DISP3: variants seen among roughly 807,000 people sequenced by gnomAD.
DISP3 encodes the protein dispatched RND transporter family member 3.
A neutral mutation model predicts 135.3 loss-of-function variants in DISP3; 101 were observed. That is an observed-to-expected ratio of 0.75 (90% CI 0.64 to 0.88). The LOEUF (loss-of-function observed/expected upper bound fraction) is 0.88. DISP3 is among the 40% of genes least tolerant of loss of function. The pLI is 0.00. For synonymous variants in DISP3, 856 were observed against 817.0 expected, an observed-to-expected ratio of 1.05 and a Z score of -0.81; for missense variants, 1,713 against 1,878.6, an observed-to-expected ratio of 0.91 and a Z score of 1.63.
intron 3 of DISP3, among the ~76,000 whole-genome samples, chr1:11,511,522 T>G (rs1180393895): frequency 1.3e-5 from 2 of 152,182 alleles, no homozygotes; most frequent in African/African-American, 4.8e-5. Context: ...CACATCCAGG[T>G]CACACGGATG....
Position 11,529,989 on chromosome 1 carries a change from G to A in DISP3, c.3102+30G>A, listed in dbSNP as rs773946908. ...GGGGCATGCGTCGGGCAGATGCCGA[G>A]GGCCCCAGCTGCAACAGTCTTGCAA... On this transcript the variant is annotated intron_variant, in intron 15 of 20. Transcript: ENST00000294484. This position sits in a 1 kb window ranked among gnomAD's most constrained non-coding sequence, Gnocchi z 4.7. 2 of 1,602,440 alleles carry A rather than the reference G, an allele frequency of 1.2e-6. No individual in the cohort carries two copies. Among genetic ancestry groups the A allele is most frequent in the Non-Finnish European group, 1.7e-6 (2 of 1,177,454 alleles).
At chr1:11,523,508 CAG>C (rs1290057951) in intron 10 of DISP3, among the ~76,000 whole-genome samples, 2 of 121,814 alleles carry the variant, frequency 1.6e-5, no homozygotes, top group Admixed American at 9.7e-5. Flanking sequence ...AGACAGCAAG[CAG>C]GGGGCAGAGT....
chr1:11,522,572 G>GGACCCAGCCAA (rs1448944119), intron 10 of DISP3, among the ~76,000 whole-genome samples: 10 of 149,088 alleles, frequency 6.7e-5, no homozygotes, highest in Non-Finnish European at 3.0e-5. Context: ...AGCCCAGCCA[G>GGACCCAGCCAA]GACCCAGCCA....
Position 11,519,715 on chromosome 1 carries a change from GCA to G in DISP3, c.2039-3_2039-2del. ...TCTGACGGGCCACTGCTCTGCCCTG[GCA>G]GTGTCACTGGAGCTGGGAGACGTGT... On this transcript the variant is annotated splice_acceptor_variant and splice_polypyrimidine_tract_variant and intron_variant, in intron 8 of 20. Coordinates refer to ENST00000294484, the MANE Select transcript of DISP3 (RefSeq NM_020780.2). LOFTEE classifies it high-confidence loss of function. The surrounding 1 kb of genome is among the most constrained non-coding windows in gnomAD (Gnocchi z 4.3). The G allele has an allele frequency of 6.2e-7, 1 of 1,612,216 alleles. No individual in the cohort carries two copies. The highest frequency in any genetic ancestry group is 8.5e-7 in the Non-Finnish European group (1 of 1,179,748).
In DISP3 at chr1:11,519,345, C is replaced by G. The variant is rs201745217; in HGVS notation, c.1890-10C>G. On this transcript the variant is annotated splice_polypyrimidine_tract_variant and intron_variant, in intron 7 of 20. Coordinates refer to ENST00000294484, the MANE Select transcript of DISP3 (RefSeq NM_020780.2). The surrounding 1 kb of genome is among the most constrained non-coding windows in gnomAD (Gnocchi z 4.3). The stretch of plus-strand genomic sequence containing the variant: ...CTCTGGTTCACCCCTGTCCCCTACT[C>G]TCTCCACAGCTGCCACCAGAATTGC... The G allele has an allele frequency of 3.1e-4, 504 of 1,613,342 alleles. 3 individuals are homozygous for G. Among genetic ancestry groups the G allele is most frequent in the South Asian group, 2.7e-3 (250 of 91,044 alleles).
chr1:11,531,677 C>T lies in DISP3; in HGVS notation c.3342C>T (p.Gly1114=). ...LSHGAVGVRE[G]RVQWISMAFE... is the part of the protein sequence containing the mutation. Reference sequence around the variant, plus strand: ...ACGGGGCAGTGGGCGTCAGGGAGGGCCGCGTGCAGTGGATCTCCATGGCTT... The same window carrying T: ...ACGGGGCAGTGGGCGTCAGGGAGGGTCGCGTGCAGTGGATCTCCATGGCTT... Residue 1114 remains glycine, a synonymous_variant, in exon 17 of 21, where the codon GGC becomes GGT. Coordinates refer to ENST00000294484, the MANE Select transcript of DISP3 (RefSeq NM_020780.2). This position sits in a 1 kb window ranked among gnomAD's most constrained non-coding sequence, Gnocchi z 5.2. 6.2e-7 allele frequency: 1 copy of T among 1,610,914 alleles called. No individual in the cohort carries two copies. The highest frequency in any genetic ancestry group is 8.5e-7 in the Non-Finnish European group (1 of 1,178,640).
Position 11,536,605 on chromosome 1 carries a change from A to C in DISP3, c.4098A>C (p.Ala1366=), listed in dbSNP as rs374786344. The C allele has an allele frequency of 2.9e-5, 47 of 1,610,848 alleles. No individual in the cohort carries two copies. The African/African-American group carries it at 5.3e-4, about 18-fold the overall frequency. ...FLKALGAVLL[A]GALGLGACLV... Reference sequence around the variant, plus strand: ...AGGCCCTGGGTGCCGTGCTGCTGGCAGGGGCCCTGGGGCTGGGTGCCTGCC... The same window carrying C: ...AGGCCCTGGGTGCCGTGCTGCTGGCCGGGGCCCTGGGGCTGGGTGCCTGCC... The change falls in exon 21 of 21, where the codon GCA becomes GCC. Residue 1366 remains alanine, a synonymous_variant. Transcript: ENST00000294484. The surrounding 1 kb of genome is among the most constrained non-coding windows in gnomAD (Gnocchi z 4.3).
At position 11,536,774 on chromosome 1, in the gene DISP3, C is replaced by A; in HGVS notation, c.*88C>A. On this transcript the variant is annotated 3_prime_UTR_variant, in exon 21 of 21. Coordinates refer to ENST00000294484, the MANE Select transcript of DISP3 (RefSeq NM_020780.2). This position sits in a 1 kb window ranked among gnomAD's most constrained non-coding sequence, Gnocchi z 4.3. ...CCAGCTCGACTTCAGCTAGCTGTGTCCCCAGGCCTGGGCCCAGGGCGCCCT... is the reference window on the plus strand; with the variant it reads ...CCAGCTCGACTTCAGCTAGCTGTGTACCCAGGCCTGGGCCCAGGGCGCCCT... The A allele has an allele frequency of 7.0e-7, 1 of 1,430,438 alleles. No homozygotes were observed. Among genetic ancestry groups the A allele is most frequent in the South Asian group, 1.5e-5 (1 of 67,548 alleles). The allele number at this position is 1,430,438 out of a possible 1,614,324, so 88.6% of individuals were successfully genotyped here.
At position 11,501,661 on chromosome 1, in the gene DISP3, C is replaced by T; in HGVS notation, c.669C>T (p.Asn223=). The change falls in exon 2 of 21, where the codon AAC becomes AAT. Residue 223 remains asparagine (N), a synonymous_variant. Transcript: ENST00000294484. This position sits in a 1 kb window ranked among gnomAD's most constrained non-coding sequence, Gnocchi z 4.9. The part of the protein sequence containing the change: ...LAANQSEDPR[N]QRLSKNGRYQ... Reference sequence around the variant, plus strand: ...CCAACCAGAGTGAAGACCCGCGAAACCAGCGGCTGAGCAAGAATGGGCGGT... The same window carrying T: ...CCAACCAGAGTGAAGACCCGCGAAATCAGCGGCTGAGCAAGAATGGGCGGT... 2.5e-6 allele frequency: 4 copies of T among 1,608,576 alleles called. No individual in the cohort carries two copies. The highest frequency in any genetic ancestry group is 3.4e-6 in the Non-Finnish European group (4 of 1,178,158).
chr1:11,536,037 T>C lies in DISP3; in HGVS notation c.3817-287T>C, dbSNP rs1220406457. Among the ~76,000 whole-genome samples, 1 of 152,226 alleles carries C rather than the reference T, an allele frequency of 6.6e-6. No individual in the cohort carries two copies. Among genetic ancestry groups the C allele is most frequent in the Non-Finnish European group, 1.5e-5 (1 of 68,046 alleles). On this transcript the variant is annotated intron_variant, in intron 20 of 20. Coordinates refer to ENST00000294484, the MANE Select transcript of DISP3 (RefSeq NM_020780.2). This position sits in a 1 kb window ranked among gnomAD's most constrained non-coding sequence, Gnocchi z 4.3. ...TCAGTGCCAAAACCGGCTCTGGGCC[T>C]AGTAACGATTTTTTTCTTTAGTTTG...
chr1:11,536,956 T>G lies in DISP3; in HGVS notation c.*270T>G. 2.4e-5 allele frequency: 12 copies of G among 493,472 alleles called. No individual in the cohort carries two copies. Among genetic ancestry groups the G allele is most frequent in the East Asian group, 6.8e-5 (2 of 29,214 alleles). The allele number at this position is 493,472 out of a possible 1,614,324, so 30.6% of individuals were successfully genotyped here. On this transcript the variant is annotated 3_prime_UTR_variant, in exon 21 of 21. Transcript: ENST00000294484. This position sits in a 1 kb window ranked among gnomAD's most constrained non-coding sequence, Gnocchi z 4.3. ...GCAGAAGAGACCAGCCCTCCTCCCA[T>G]GCCCGGTCACCATGGGGGTCAGGTT...
intron 1 of DISP3, chr1:11,481,123 C>T (rs1640894413): frequency 6.5e-6 from 1 of 152,700 alleles, no homozygotes; most frequent in East Asian, 1.9e-4. Flanking sequence ...TTCCAGTCAT[C>T]CTTCCCCACT....
Position 11,535,635 on chromosome 1 carries a change from C to A in DISP3, c.3807C>A (p.His1269Gln). ...YLLAGENLPP[H>Q]QAEDARTQRQ... ...TGGCTGGAGAGAACCTGCCCCCCCA[C>A]CAGGCCGAGGTGCGCACCCTGCCCG... The change falls in exon 20 of 21, where the codon CAC becomes CAA. Residue 1269 changes from histidine (H) to glutamine (Q), a missense_variant. This residue lies in a region of DISP3 where 1,142 missense variants were observed against 1,384.6 expected (regional missense o/e 0.82). Coordinates refer to ENST00000294484, the MANE Select transcript of DISP3 (RefSeq NM_020780.2). 6.2e-7 allele frequency: 1 copy of A among 1,611,882 alleles called. No individual in the cohort carries two copies. Among genetic ancestry groups the A allele is most frequent in the Non-Finnish European group, 8.5e-7 (1 of 1,179,618 alleles).
rs906083171 is a variant in DISP3 at position 11,520,721 on chromosome 1, G to A, written c.2235G>A (p.Val745=). The A allele has an allele frequency of 5.6e-6, 9 of 1,613,106 alleles. No individual in the cohort carries two copies. The highest frequency in any genetic ancestry group is 7.6e-6 in the Non-Finnish European group (9 of 1,179,986). ...TCTCCATCCTCATCTTGTCCCTGGT[G>A]TTCGCCAGCCGGCTCCGCCCCGCCA... ...LFVSILILSL[V]FASRLRPASR... The change falls in exon 10 of 21, where the codon GTG becomes GTA. Residue 745 remains valine (V), a synonymous_variant. Coordinates refer to ENST00000294484, the MANE Select transcript of DISP3 (RefSeq NM_020780.2). The surrounding 1 kb of genome is among the most constrained non-coding windows in gnomAD (Gnocchi z 4.8).
chr1:11,524,172 C>A, intron 11 of DISP3, 117 bp downstream of exon 11: 1 of 797,000 alleles, frequency 1.3e-6, no homozygotes, highest in Non-Finnish European at 2.0e-6. Flanking sequence ...ATTGTGTGTT[C>A]CTGGTCACTG....
In DISP3 at chr1:11,519,306, G is replaced by T; in HGVS notation, c.1890-49G>T. The T allele has an allele frequency of 6.3e-7, 1 of 1,584,046 alleles. No individual in the cohort carries two copies. On this transcript the variant is annotated intron_variant, in intron 7 of 20. Coordinates refer to ENST00000294484, the MANE Select transcript of DISP3 (RefSeq NM_020780.2). The surrounding 1 kb of genome is among the most constrained non-coding windows in gnomAD (Gnocchi z 4.3). ...CTCAGGGCCCTGCCCCACCCTCCCT[G>T]GGTACCCAGGACCCTCTGGTTCACC...
rs74055730 is a variant in DISP3, at chr1:11,534,915, G to A, written c.3536-96G>A. The A allele has an allele frequency of 9.0e-3, 9,834 of 1,091,710 alleles. 418 individuals are homozygous for A. The African/African-American group carries it at 0.11, about 12-fold the overall frequency. 67.6% of individuals were successfully genotyped at this position (1,091,710 alleles called of 1,614,324 possible). On this transcript the variant is annotated intron_variant, in intron 18 of 20. Transcript: ENST00000294484. ...TATGACCCCATTTTACAGACTGGGA[G>A]TCGGAGTCTCAGAGAGGTCAAGGGC...
chr1:11,533,972 G>A (rs1430672891), intron 17 of DISP3: 4 of 678,752 alleles, frequency 5.9e-6, no homozygotes, highest in Non-Finnish European at 1.1e-5. Context: ...AAGAGCAGGG[G>A]AAGCACTGAG....
chr1:11,504,174 C>T (rs561398207), intron 3 of DISP3, among the ~76,000 whole-genome samples: 10 of 152,286 alleles, frequency 6.6e-5, no homozygotes, highest in South Asian at 4.1e-4. Context: ...ACACACTGTT[C>T]GAAACCCTTT....
Sources: gnomAD v4.1 joint callset for allele counts (sites outside exome capture counted in the v4.1 genomes callset) on GRCh38, gnomAD v4.1.1 for gene constraint, gnomAD v4.1.1 regional missense constraint, Gnocchi (gnomAD v3.1) non-coding constraint, MANE v1.5 for transcripts, NCBI Gene and HGNC (gene_info 2026-07-23, HGNC 2026-07-21) for gene names.